PCDH9: variants seen among roughly 807,000 people sequenced by gnomAD.
PCDH9 encodes the protein protocadherin-9.
Under a neutral mutation model 70.6 loss-of-function variants are expected in PCDH9, and 24 were observed. The ratio of observed to expected loss-of-function variants is 0.34; its 90% CI spans 0.25 to 0.48. The LOEUF is 0.48. PCDH9 is among the 20% of genes least tolerant of loss of function. PCDH9 has a pLI of 0.99. For missense variants in PCDH9, 1,281 were observed against 1,503.6 expected, an observed-to-expected ratio of 0.85 and a Z score of 2.45; for synonymous variants, 562 against 558.5, an observed-to-expected ratio of 1.01 and a Z score of -0.09.
intron 2 of PCDH9, among the ~76,000 whole-genome samples, chr13:66,997,622 C>T (rs2084147227): frequency 1.3e-5 from 2 of 152,174 alleles, no homozygotes; most frequent in South Asian, 4.1e-4. Flanking sequence ...GCAAACTCCG[C>T]CTCCCGGCTT....
intron 2 of PCDH9, among the ~76,000 whole-genome samples, chr13:66,932,347 T>G: frequency 6.6e-6 from 1 of 152,128 alleles, no homozygotes; most frequent in South Asian, 2.1e-4. Flanking sequence ...TAAATCACTT[T>G]GAAGAAACGA....
At chr13:67,119,096 G>A (rs994635123) in intron 2 of PCDH9, among the ~76,000 whole-genome samples, 8 of 152,196 alleles carry the variant, frequency 5.3e-5, no homozygotes, top group South Asian at 4.2e-4. Context: ...CAGCCAGGCC[G>A]TAATGGATGG....
chr13:66,516,060 C>G (rs80052973), intron 4 of PCDH9, among the ~76,000 whole-genome samples: 2 of 151,936 alleles, frequency 1.3e-5, no homozygotes, highest in African/African-American at 4.8e-5. Context: ...ATTTGAAATA[C>G]TTCTACTTGA....
At chr13:66,571,518 G>A (rs1234755329) in intron 4 of PCDH9, among the ~76,000 whole-genome samples, 1 of 151,600 alleles carries the variant, frequency 6.6e-6, no homozygotes, top group Non-Finnish European at 1.5e-5. Flanking sequence ...TGGCACTAAT[G>A]TTCTTTTTTT....
chr13:66,950,028 G>A (rs999918398), intron 2 of PCDH9, among the ~76,000 whole-genome samples: 6 of 151,900 alleles, frequency 3.9e-5, no homozygotes, highest in Non-Finnish European at 8.8e-5. Flanking sequence ...ATGACCAGAA[G>A]TTTAATTATC....
rs1594470474 is a variant in PCDH9 at position 67,071,509 on chromosome 13, T to C, written c.3036+153896A>G. Among the ~76,000 whole-genome samples, 4 of 152,330 alleles carry C rather than the reference T, an allele frequency of 2.6e-5. No individual in the cohort carries two copies. In the South Asian group the frequency reaches 8.3e-4, roughly 32 times the overall value. ...TTACCATAATATTTGTCTAGCAAAC[T>C]TACTTTTAACAATTTTTTTCTATGT... On this transcript the variant is annotated intron_variant, in intron 2 of 4. Coordinates refer to ENST00000377865, the MANE Select transcript of PCDH9 (RefSeq NM_203487.3).
chr13:67,193,296 A>G (rs190942273), intron 2 of PCDH9, among the ~76,000 whole-genome samples: 463 of 151,858 alleles, frequency 3.0e-3, no homozygotes, highest in African/African-American at 0.011. Context: ...GGTCAACTGC[A>G]TATGAAGATT....
chr13:66,779,016 A>T (rs1442706027), intron 3 of PCDH9, among the ~76,000 whole-genome samples: 1 of 152,162 alleles, frequency 6.6e-6, no homozygotes, highest in African/African-American at 2.4e-5. Context: ...GACAAATTAA[A>T]CTATTCCTTT....
chr13:67,097,821 T>A (rs941937953), intron 2 of PCDH9, among the ~76,000 whole-genome samples: 33 of 152,178 alleles, frequency 2.2e-4, no homozygotes, highest in Admixed American at 3.3e-4. Context: ...TGCCTACTGT[T>A]GTGGGGTATA....
At chr13:66,968,500 C>T (rs1326004349) in intron 2 of PCDH9, among the ~76,000 whole-genome samples, 1 of 151,946 alleles carries the variant, frequency 6.6e-6, no homozygotes, top group Non-Finnish European at 1.5e-5. Context: ...ACGACTCCTT[C>T]GACCTTGCTT....
intron 3 of PCDH9, among the ~76,000 whole-genome samples, chr13:66,637,868 C>A (rs1222525332): frequency 6.6e-6 from 1 of 150,532 alleles, no homozygotes; most frequent in Non-Finnish European, 1.5e-5. Flanking sequence ...GAGCCGAGAT[C>A]ATGCCACTGA....
chr13:67,197,050 T>C (rs964082116), intron 2 of PCDH9, among the ~76,000 whole-genome samples: 7 of 151,832 alleles, frequency 4.6e-5, no homozygotes, highest in African/African-American at 1.7e-4. Context: ...GGATTATCTG[T>C]GCAATTTATA....
chr13:66,581,562 A>C (rs530957458), intron 4 of PCDH9, among the ~76,000 whole-genome samples: 316 of 152,314 alleles, frequency 2.1e-3, no homozygotes, highest in Non-Finnish European at 3.5e-3. Context: ...GGGAGAATGC[A>C]GACAAAAGAT....
chr13:66,739,855 C>A (rs1403526309), intron 3 of PCDH9, among the ~76,000 whole-genome samples: 1 of 130,582 alleles, frequency 7.7e-6, no homozygotes, highest in East Asian at 2.5e-4. Flanking sequence ...TCCTGAGTGA[C>A]CTACAAAGAG....
intron 3 of PCDH9, among the ~76,000 whole-genome samples, chr13:66,676,508 T>C (rs1475399992): frequency 1.3e-5 from 2 of 152,158 alleles, no homozygotes; most frequent in African/African-American, 4.8e-5. Flanking sequence ...TGACTTAAGA[T>C]ATACGCTTCA....
chr13:66,811,748 C>T lies in PCDH9; in HGVS notation c.3138+91756G>A, dbSNP rs541217038. The stretch of plus-strand genomic sequence containing the variant: ...TTTCTCTTTCTCTCCTTCCTTCCTT[C>T]CTTTCTTTTTCTTTCTCTCTCTCTC... On this transcript the variant is annotated intron_variant, in intron 3 of 4. Coordinates refer to ENST00000377865, the MANE Select transcript of PCDH9 (RefSeq NM_203487.3). Among the ~76,000 whole-genome samples, 33 of 61,318 alleles carry T rather than the reference C, an allele frequency of 5.4e-4. 1 individual carries two copies. The highest frequency in any genetic ancestry group is 1.7e-3 in the African/African-American group (26 of 15,184). 40.2% of individuals were successfully genotyped at this position (61,318 alleles called of 152,430 possible).
At chr13:66,629,152 C>A (rs2077537069) in intron 4 of PCDH9, among the ~76,000 whole-genome samples, 1 of 152,168 alleles carries the variant, frequency 6.6e-6, no homozygotes, top group African/African-American at 2.4e-5. Flanking sequence ...AAATATTCTA[C>A]CTAGAATTGC....
At chr13:66,951,268 G>A (rs1000925828) in intron 2 of PCDH9, among the ~76,000 whole-genome samples, 4 of 152,070 alleles carry the variant, frequency 2.6e-5, no homozygotes, top group African/African-American at 9.7e-5. Context: ...ATGAGGTGAA[G>A]ATACATAGTG....
At chr13:66,614,532 T>C (rs747597657) in intron 4 of PCDH9, among the ~76,000 whole-genome samples, 5 of 152,224 alleles carry the variant, frequency 3.3e-5, no homozygotes, top group Non-Finnish European at 5.9e-5. Context: ...TGTTTCATAA[T>C]ATCAAGTGTT....
Sources: gnomAD v4.1 joint callset for allele counts (sites outside exome capture counted in the v4.1 genomes callset) on GRCh38, gnomAD v4.1.1 for gene constraint, MANE v1.5 for transcripts, NCBI Gene and HGNC (gene_info 2026-07-23, HGNC 2026-07-21) for gene names.